The following NAV3 variants were observed in gnomAD, a reference collection of about 807,000 sequenced individuals.
NAV3 encodes pore membrane and/or filament interacting like protein 1.
Under a neutral mutation model 244.7 loss-of-function variants are expected in NAV3, and 87 were observed. That is an observed-to-expected ratio of 0.36 (90% CI 0.30 to 0.42). The LOEUF (loss-of-function observed/expected upper bound fraction) is 0.42, where lower values mean the gene tolerates loss of function less well. NAV3 is among the 20% of genes least tolerant of loss of function. NAV3 has a pLI of 1.00. For synonymous variants in NAV3, 1,126 were observed against 1,042.2 expected, an observed-to-expected ratio of 1.08 and a Z score of -1.55; for missense variants, 2,663 against 2,893.3, an observed-to-expected ratio of 0.92 and a Z score of 1.83.
chr12:78,039,154 A>G (rs1488733361), intron 9 of NAV3, among the ~76,000 whole-genome samples: 1 of 152,166 alleles, frequency 6.6e-6, no homozygotes, highest in East Asian at 1.9e-4. Context: ...ATATCTCCAG[A>G]TAATGAAGCA....
At chr12:77,779,170 G>A (rs1376789471) in intron 2 of NAV3, among the ~76,000 whole-genome samples, 1 of 152,154 alleles carries the variant, frequency 6.6e-6, no homozygotes, top group East Asian at 1.9e-4. Flanking sequence ...TAGATATTAT[G>A]AAACCACTGA....
intron 2 of NAV3, among the ~76,000 whole-genome samples, chr12:77,706,792 G>A (rs1305508697): frequency 1.4e-5 from 2 of 144,292 alleles, no homozygotes; most frequent in Admixed American, 7.1e-5. Flanking sequence ...AATGGCATGA[G>A]CCCGGGAGGC....
At chr12:78,127,300 A>G in intron 17 of NAV3, 92 bp downstream of exon 17, 1 of 1,265,446 alleles carries the variant, frequency 7.9e-7, no homozygotes. Flanking sequence ...TTTGCAATGT[A>G]GCACATGACA....
At chr12:78,158,123 A>C (rs907170449) in intron 22 of NAV3, among the ~76,000 whole-genome samples, 1 of 152,170 alleles carries the variant, frequency 6.6e-6, no homozygotes, top group African/African-American at 2.4e-5. Flanking sequence ...CCACTCTGCT[A>C]TAAGTACATG....
At chr12:77,976,604 G>A (rs1026173013) in intron 5 of NAV3, among the ~76,000 whole-genome samples, 1 of 148,304 alleles carries the variant, frequency 6.7e-6, no homozygotes, top group African/African-American at 2.5e-5. Flanking sequence ...TACATTTACT[G>A]TCTCAATCCT....
intron 5 of NAV3, among the ~76,000 whole-genome samples, chr12:77,972,126 C>T (rs1322258229): frequency 6.6e-6 from 1 of 152,128 alleles, no homozygotes; most frequent in Non-Finnish European, 1.5e-5. Flanking sequence ...AGCTCCCTCT[C>T]CACCTTTGAG....
intron 3 of NAV3, among the ~76,000 whole-genome samples, chr12:77,942,714 A>G (rs1051039535): frequency 1.9e-4 from 29 of 152,194 alleles, no homozygotes; most frequent in African/African-American, 5.5e-4. Context: ...CATCTGTAAA[A>G]TGAACCTTAA....
intron 12 of NAV3, among the ~76,000 whole-genome samples, chr12:78,066,611 T>C (rs1885050625): frequency 6.6e-6 from 1 of 152,180 alleles, no homozygotes; most frequent in Non-Finnish European, 1.5e-5. Flanking sequence ...ATCTAAACTA[T>C]ATTCCTAAAT....
At chr12:78,154,296 TTACTATA>T (rs1326424145) in intron 22 of NAV3, among the ~76,000 whole-genome samples, 2 of 141,920 alleles carry the variant, frequency 1.4e-5, no homozygotes, top group African/African-American at 2.6e-5. Flanking sequence ...CTACTATATA[TTACTATA>T]TAATATATAG....
intron 1 of NAV3, among the ~76,000 whole-genome samples, chr12:77,851,833 A>C (rs770268800): frequency 7.9e-5 from 12 of 152,214 alleles, no homozygotes; most frequent in Non-Finnish European, 4.4e-5. Context: ...GACTACTAAC[A>C]ATACTGGCTA....
At chr12:78,172,427 C>T (rs1299864536) in intron 24 of NAV3, among the ~76,000 whole-genome samples, 2 of 151,554 alleles carry the variant, frequency 1.3e-5, no homozygotes, top group Non-Finnish European at 3.0e-5. Flanking sequence ...TAGATACGGT[C>T]TTTGTCTCCA....
intron 2 of NAV3, among the ~76,000 whole-genome samples, chr12:77,616,848 C>T (rs1871161852): frequency 6.6e-6 from 1 of 152,120 alleles, no homozygotes; most frequent in Non-Finnish European, 1.5e-5. Context: ...TGCAGAAAAT[C>T]TCAACAACTT....
At chr12:78,133,224 T>G (rs1375285) in intron 18 of NAV3, among the ~76,000 whole-genome samples, 111,094 of 151,864 alleles carry the variant, frequency 0.73, 41,002 homozygotes, top group Middle Eastern at 0.79. Context: ...TCAGGCATTT[T>G]GAGATCTTTA....
intron 2 of NAV3, among the ~76,000 whole-genome samples, chr12:77,666,660 G>A (rs1873730467): frequency 6.6e-6 from 1 of 152,176 alleles, no homozygotes; most frequent in African/African-American, 2.4e-5. Context: ...TTAAAGGGAT[G>A]TATTGTGCTT....
intron 5 of NAV3, among the ~76,000 whole-genome samples, chr12:77,979,394 T>C (rs1869118868): frequency 6.6e-6 from 1 of 151,582 alleles, no homozygotes; most frequent in South Asian, 2.1e-4. Flanking sequence ...CTCTGAAATA[T>C]ATATATAGAA....
intron 2 of NAV3, among the ~76,000 whole-genome samples, chr12:77,606,841 C>T (rs1313868135): frequency 1.3e-5 from 2 of 152,074 alleles, no homozygotes; most frequent in African/African-American, 2.4e-5. Context: ...ATGTCCCAAA[C>T]TTCTAGGAAC....
intron 17 of NAV3, among the ~76,000 whole-genome samples, chr12:78,127,432 T>C (rs1334049462): frequency 6.6e-6 from 1 of 152,136 alleles, no homozygotes; most frequent in Non-Finnish European, 1.5e-5. Context: ...TAAATTCCAA[T>C]GTGAATATCA....
chr12:77,790,758 G>C (rs550363404), intron 2 of NAV3, among the ~76,000 whole-genome samples: 1 of 152,272 alleles, frequency 6.6e-6, no homozygotes, highest in South Asian at 2.1e-4. Flanking sequence ...ACTTCAGCAG[G>C]CCCAGTGACT....
At chr12:77,722,825 G>A (rs1201785673) in intron 2 of NAV3, among the ~76,000 whole-genome samples, 2 of 151,968 alleles carry the variant, frequency 1.3e-5, no homozygotes, top group Non-Finnish European at 2.9e-5. Flanking sequence ...GTGTTTATGA[G>A]GATAGCAGTT....
Sources: gnomAD v4.1 joint callset for allele counts (sites outside exome capture counted in the v4.1 genomes callset) on GRCh38, gnomAD v4.1.1 for gene constraint, MANE v1.5 for transcripts, NCBI Gene and HGNC (gene_info 2026-07-23, HGNC 2026-07-21) for gene names.